Variants in SDC2 observed in about 807,000 individuals in gnomAD.
The protein encoded by SDC2 is syndecan-2.
A neutral mutation model predicts 22.2 loss-of-function variants in SDC2; 13 were observed. The observed-to-expected ratio is 0.59, with a 90% CI of 0.38 to 0.93. SDC2 has a LOEUF of 0.93. SDC2 is among the 40% of genes least tolerant of loss of function. The probability of loss-of-function intolerance (pLI) is 0.00; values close to 1 mark genes in which losing one functional copy is unlikely to be tolerated. For synonymous variants in SDC2, 94 were observed against 92.8 expected (o/e 1.01, Z -0.07); for missense variants, 235 against 246.8 (o/e 0.95, Z 0.32).
intron 1 of SDC2, among the ~76,000 whole-genome samples, chr8:96,592,073 TGGCTCAGGGTGGTCCA>T (rs1175853992): frequency 6.6e-6 from 1 of 152,210 alleles, no homozygotes; most frequent in African/African-American, 2.4e-5. Context: ...AGCACACTCT[TGGCTCAGGGTGGTCCA>T]GGCCACTGGA....
intron 1 of SDC2, among the ~76,000 whole-genome samples, chr8:96,515,942 C>A (rs571485584): frequency 6.6e-6 from 1 of 152,290 alleles, no homozygotes; most frequent in South Asian, 2.1e-4. Context: ...GGCTCCCTAG[C>A]CCTGGGACTG....
intron 1 of SDC2, among the ~76,000 whole-genome samples, chr8:96,554,330 A>G (rs1358094533): frequency 1.3e-5 from 2 of 152,174 alleles, no homozygotes; most frequent in Non-Finnish European, 2.9e-5. Flanking sequence ...TAAAATTTTG[A>G]GTTTTGTGAA....
At chr8:96,565,841 A>G (rs552046720) in intron 1 of SDC2, among the ~76,000 whole-genome samples, 3 of 152,262 alleles carry the variant, frequency 2.0e-5, no homozygotes, top group East Asian at 3.9e-4. Flanking sequence ...AGAGTGATCA[A>G]AGACCTGGAA....
At chr8:96,581,898 G>A (rs545133826) in intron 1 of SDC2, among the ~76,000 whole-genome samples, 2 of 152,284 alleles carry the variant, frequency 1.3e-5, no homozygotes, top group African/African-American at 4.8e-5. Context: ...CTTCTTCAGA[G>A]AAAGTACTCA....
At chr8:96,512,475 C>T (rs564300390) in intron 1 of SDC2, among the ~76,000 whole-genome samples, 8 of 152,266 alleles carry the variant, frequency 5.3e-5, no homozygotes, top group Admixed American at 2.6e-4. Flanking sequence ...CCCAGAATCC[C>T]GTGGACTGTG....
At chr8:96,502,854 G>A (rs1000560863) in intron 1 of SDC2, among the ~76,000 whole-genome samples, 2 of 152,198 alleles carry the variant, frequency 1.3e-5, no homozygotes, top group Non-Finnish European at 2.9e-5. Flanking sequence ...TCCATGCGTT[G>A]TGTCACATGC....
chr8:96,561,155 T>C (rs1814203893), intron 1 of SDC2, among the ~76,000 whole-genome samples: 1 of 152,148 alleles, frequency 6.6e-6, no homozygotes, highest in Non-Finnish European at 1.5e-5. Flanking sequence ...AAAATAATTC[T>C]TCAAAGCCGG....
chr8:96,554,885 T>G (rs1185188318), intron 1 of SDC2, among the ~76,000 whole-genome samples: 1 of 152,178 alleles, frequency 6.6e-6, no homozygotes, highest in Non-Finnish European at 1.5e-5. Flanking sequence ...GCTGTACAGC[T>G]TTTCCTGTGG....
chr8:96,505,453 C>T (rs534451274), intron 1 of SDC2, among the ~76,000 whole-genome samples: 1 of 151,980 alleles, frequency 6.6e-6, no homozygotes, highest in Non-Finnish European at 1.5e-5. Flanking sequence ...ACAGGTGCAC[C>T]ACCACACGCA....
At chr8:96,565,747 C>T (rs942175308) in intron 1 of SDC2, among the ~76,000 whole-genome samples, 6 of 152,060 alleles carry the variant, frequency 3.9e-5, no homozygotes, top group African/African-American at 1.4e-4. Context: ...ATTGGAAAGG[C>T]TGGGTAGATA....
intron 1 of SDC2, among the ~76,000 whole-genome samples, chr8:96,510,664 T>A (rs758020721): frequency 1.3e-5 from 2 of 152,158 alleles, no homozygotes; most frequent in Admixed American, 6.5e-5. Flanking sequence ...TGTCCTACAA[T>A]GGAGTTGGAG....
intron 1 of SDC2, among the ~76,000 whole-genome samples, chr8:96,517,473 T>C (rs748736526): frequency 6.6e-6 from 1 of 152,230 alleles, no homozygotes; most frequent in Non-Finnish European, 1.5e-5. Context: ...TTCTTACATT[T>C]AGATCTAAAA....
At chr8:96,519,781 G>A (rs75466400) in intron 1 of SDC2, among the ~76,000 whole-genome samples, 3,540 of 152,050 alleles carry the variant, frequency 0.023, 145 homozygotes, top group African/African-American at 0.08. Context: ...TTACAGGCGC[G>A]CACCTCCACG....
intron 1 of SDC2, among the ~76,000 whole-genome samples, chr8:96,583,449 C>G (rs900039832): frequency 3.5e-5 from 4 of 115,570 alleles, no homozygotes; most frequent in Admixed American, 2.6e-4. Context: ...AATTAATTTT[C>G]AAAAGTTTAT....
intron 1 of SDC2, among the ~76,000 whole-genome samples, chr8:96,536,438 A>G (rs1813756353): frequency 1.3e-5 from 2 of 152,194 alleles, no homozygotes; most frequent in South Asian, 4.1e-4. Flanking sequence ...CTCCCACCTC[A>G]GCCTCAACAA....
At chr8:96,511,265 C>A (rs1813323222) in intron 1 of SDC2, among the ~76,000 whole-genome samples, 1 of 152,076 alleles carries the variant, frequency 6.6e-6, no homozygotes, top group Non-Finnish European at 1.5e-5. Context: ...CTTAAGCTGC[C>A]TTGGTGATTC....
chr8:96,611,659 T>C lies in SDC2; in HGVS notation c.*2111T>C, dbSNP rs557825946. 1 of 152,726 alleles carries C rather than the reference T, an allele frequency of 6.5e-6. No homozygotes were observed. Among genetic ancestry groups the C allele is most frequent in the South Asian group, 2.1e-4 (1 of 4,826 alleles). 9.5% of individuals were successfully genotyped at this position (152,726 alleles called of 1,614,324 possible). ...GAAATTCAATTCATAGAATAACAAC[T>C]GCTGGGAATATCCGTGCCAGGAAAA... On this transcript the variant is annotated 3_prime_UTR_variant, in exon 5 of 5. Coordinates refer to ENST00000302190, the MANE Select transcript of SDC2 (RefSeq NM_002998.4).
intron 1 of SDC2, among the ~76,000 whole-genome samples, chr8:96,566,359 ATGC>A (rs1376982426): frequency 6.6e-6 from 1 of 152,246 alleles, no homozygotes; most frequent in East Asian, 1.9e-4. Flanking sequence ...ATTTGTCCTA[ATGC>A]TATGGAGTTA....
intron 1 of SDC2, among the ~76,000 whole-genome samples, chr8:96,547,519 A>G (rs1813953660): frequency 6.6e-6 from 1 of 152,120 alleles, no homozygotes; most frequent in African/African-American, 2.4e-5. Flanking sequence ...GTCTTTATTC[A>G]TTCACCTCAT....
Sources: gnomAD v4.1 joint callset for allele counts (sites outside exome capture counted in the v4.1 genomes callset) on GRCh38, gnomAD v4.1.1 for gene constraint, MANE v1.5 for transcripts, NCBI Gene and HGNC (gene_info 2026-07-23, HGNC 2026-07-21) for gene names.